Variants in TOGARAM1 observed in about 807,000 individuals in gnomAD.
TOGARAM1 encodes TOG array regulator of axonemal microtubules 1.
TOGARAM1 carries 100 observed loss-of-function variants against 166.6 expected under a neutral mutation model. The ratio of observed to expected loss-of-function variants is 0.60; its 90% CI spans 0.51 to 0.71. TOGARAM1 has a LOEUF of 0.71. Ranked by LOEUF, TOGARAM1 falls within the 30% of genes least tolerant of loss-of-function variation. The probability of loss-of-function intolerance (pLI) is 0.00; values close to 1 mark genes in which losing one functional copy is unlikely to be tolerated. For missense variants in TOGARAM1, 2,029 were observed against 2,102.7 expected, an observed-to-expected ratio of 0.96 and a Z score of 0.69; for synonymous variants, 758 against 763.8, an observed-to-expected ratio of 0.99 and a Z score of 0.13.
chr14:45,068,146 G>A (rs1342771987), intron 17 of TOGARAM1, among the ~76,000 whole-genome samples: 1 of 152,136 alleles, frequency 6.6e-6, no homozygotes, highest in Non-Finnish European at 1.5e-5. Flanking sequence ...CAGTCAGTCA[G>A]TCATCTGCCT....
Position 45,011,995 on chromosome 14 carries a change from T to G in TOGARAM1, c.3158T>G (p.Phe1053Cys), listed in dbSNP as rs149929097. 100 of 1,606,652 alleles carry G rather than the reference T, an allele frequency of 6.2e-5. No homozygotes were observed. The highest frequency in any genetic ancestry group is 7.7e-5 in the Non-Finnish European group (91 of 1,177,812). ...TGCAGGTCAGACATATTTCCAACATTTGGGTCAAAACCTTGTCCAACAAGA... is the reference window on the plus strand; with the variant it reads ...TGCAGGTCAGACATATTTCCAACATGTGGGTCAAAACCTTGTCCAACAAGA... ...KRIMSDIFPT[F>C]GSKPCPTRLS... The change falls in exon 7 of 20, where the codon TTT becomes TGT. Residue 1053 changes from phenylalanine to cysteine, a missense_variant. By Grantham distance (205) the Phe-to-Cys change is radical. Transcript: ENST00000361462.
chr14:45,020,794 G>A (rs549302611), intron 7 of TOGARAM1, among the ~76,000 whole-genome samples: 3 of 152,288 alleles, frequency 2.0e-5, no homozygotes, highest in East Asian at 1.9e-4. Flanking sequence ...TTACACGGGT[G>A]AGGTTTGAGG....
intron 7 of TOGARAM1, among the ~76,000 whole-genome samples, chr14:45,016,329 G>A (rs1478474787): frequency 2.0e-5 from 3 of 152,230 alleles, no homozygotes; most frequent in African/African-American, 7.2e-5. Flanking sequence ...CTGAGAGGCA[G>A]AGGTTGCAGT....
intron 11 of TOGARAM1, among the ~76,000 whole-genome samples, chr14:45,043,061 T>C (rs1188352384): frequency 6.6e-6 from 1 of 152,230 alleles, no homozygotes; most frequent in East Asian, 1.9e-4. Flanking sequence ...GGCTGTTTCA[T>C]TTACACTGAA....
intron 11 of TOGARAM1, among the ~76,000 whole-genome samples, chr14:45,038,313 C>T (rs969907839): frequency 6.6e-6 from 1 of 152,244 alleles, no homozygotes; most frequent in African/African-American, 2.4e-5. Context: ...TGCTCAGGCC[C>T]ACTTGGGCTC....
intron 13 of TOGARAM1, among the ~76,000 whole-genome samples, chr14:45,045,541 G>GTATATATATATATA (rs1404316560): frequency 4.0e-5 from 2 of 50,370 alleles, no homozygotes; most frequent in African/African-American, 1.1e-4. Flanking sequence ...TGGTCTGTGT[G>GTATATATATATATA]TGTATATATA....
intron 1 of TOGARAM1, among the ~76,000 whole-genome samples, chr14:44,964,765 G>A (rs1885420021): frequency 6.6e-6 from 1 of 151,908 alleles, no homozygotes; most frequent in African/African-American, 2.4e-5. Context: ...AACAAACATT[G>A]AATACCTAGT....
intron 3 of TOGARAM1, among the ~76,000 whole-genome samples, chr14:45,000,776 A>T (rs1887657399): frequency 6.6e-6 from 1 of 151,728 alleles, no homozygotes; most frequent in South Asian, 2.1e-4. Context: ...GCAGGGTCTC[A>T]CTCTGTGGCC....
At position 45,068,346 on chromosome 14, in the gene TOGARAM1, A is replaced by G. The variant is rs370516014; in HGVS notation, c.4750-78A>G. Reference sequence around the variant, plus strand: ...AACTGAGTAAAGTAGGAGAAATATTATGACATGCCAAGATACTTATAAATA... The same window carrying G: ...AACTGAGTAAAGTAGGAGAAATATTGTGACATGCCAAGATACTTATAAATA... On this transcript the variant is annotated intron_variant, in intron 17 of 19. Coordinates refer to ENST00000361462, the MANE Select transcript of TOGARAM1 (RefSeq NM_001308120.2). The G allele has an allele frequency of 2.0e-3, 2,044 of 1,033,976 alleles. 8 individuals are homozygous for G. The highest frequency in any genetic ancestry group is 1.9e-3 in the South Asian group (111 of 58,042). 64.1% of individuals were successfully genotyped at this position (1,033,976 alleles called of 1,614,324 possible).
intron 18 of TOGARAM1, among the ~76,000 whole-genome samples, chr14:45,069,197 C>T (rs1380265904): frequency 1.3e-5 from 2 of 151,772 alleles, no homozygotes. Context: ...AGTGAAACCC[C>T]ATCTCTACTA....
rs1885232951 is a variant in TOGARAM1 at position 44,962,690 on chromosome 14, CAG to C, written c.270_271del (p.Gly92ArgfsTer2). The stretch of plus-strand genomic sequence containing the variant: ...TGGTCTGAGTCTGGAGGCGGTTTGT[CAG>C]GGGGAGATGAAGAGGACACTCGGCT... On this transcript the variant is annotated frameshift_variant, in exon 1 of 20. Transcript: ENST00000361462. LOFTEE classifies it high-confidence loss of function. 6.2e-7 allele frequency: 1 copy of C among 1,614,180 alleles called. No homozygotes were observed. The highest frequency in any genetic ancestry group is 1.7e-5 in the Admixed American group (1 of 60,018).
At chr14:45,024,727 C>G (rs1367574200) in intron 7 of TOGARAM1, among the ~76,000 whole-genome samples, 4 of 152,148 alleles carry the variant, frequency 2.6e-5, no homozygotes, top group Non-Finnish European at 5.9e-5. Flanking sequence ...TGATTGCATA[C>G]TAAAGAAGAA....
intron 1 of TOGARAM1, among the ~76,000 whole-genome samples, chr14:44,967,925 AT>A (rs60583808): frequency 6.6e-6 from 1 of 151,914 alleles, no homozygotes; most frequent in Non-Finnish European, 1.5e-5. Context: ...GGTAGTGATG[AT>A]TTTTTTTAAG....
chr14:44,978,553 C>T (rs947703657), intron 1 of TOGARAM1, among the ~76,000 whole-genome samples: 2 of 152,064 alleles, frequency 1.3e-5, no homozygotes, highest in African/African-American at 4.8e-5. Flanking sequence ...GCCTGTAATC[C>T]CAACACTTTG....
At chr14:45,061,035 A>G (rs999963145) in intron 16 of TOGARAM1, among the ~76,000 whole-genome samples, 1 of 152,150 alleles carries the variant, frequency 6.6e-6, no homozygotes, top group Non-Finnish European at 1.5e-5. Flanking sequence ...CAATTAGTAC[A>G]TGGTTTTTTG....
intron 11 of TOGARAM1, among the ~76,000 whole-genome samples, chr14:45,040,856 T>C (rs1026082494): frequency 6.7e-6 from 1 of 149,918 alleles, no homozygotes; most frequent in Non-Finnish European, 1.5e-5. Flanking sequence ...ATGGCTAACA[T>C]GGTGAAACCC....
chr14:45,045,625 A>G (rs1430973950), intron 13 of TOGARAM1, among the ~76,000 whole-genome samples: 7 of 113,534 alleles, frequency 6.2e-5, no homozygotes, highest in East Asian at 2.6e-4. Flanking sequence ...GTGTATATAT[A>G]TGTATATATA....
intron 10 of TOGARAM1, among the ~76,000 whole-genome samples, chr14:45,030,930 C>A (rs768822815): frequency 6.6e-6 from 1 of 152,136 alleles, no homozygotes; most frequent in Non-Finnish European, 1.5e-5. Context: ...AGAATACCTA[C>A]CTCAGCTTTG....
chr14:45,069,262 T>C (rs1177349348), intron 18 of TOGARAM1, among the ~76,000 whole-genome samples: 1 of 151,820 alleles, frequency 6.6e-6, no homozygotes, highest in Non-Finnish European at 1.5e-5. Context: ...CCAGCTACCC[T>C]GGAAGCTGAG....
Sources: allele counts gnomAD v4.1 joint callset (sites outside exome capture counted in the v4.1 genomes callset), GRCh38; gene constraint gnomAD v4.1.1; transcripts MANE v1.5; gene names NCBI Gene and HGNC (gene_info 2026-07-23, HGNC 2026-07-21).